MAP3K13: variants seen among roughly 807,000 people sequenced by gnomAD.
MAP3K13 encodes the protein leucine zipper-bearing kinase.
MAP3K13 carries 52 observed loss-of-function variants against 104.0 expected under a neutral mutation model. That is an observed-to-expected ratio of 0.50 (90% confidence interval 0.40 to 0.63). The LOEUF is 0.63. Ranked by LOEUF, MAP3K13 falls within the 20% of genes least tolerant of loss-of-function variation. The pLI, the probability that MAP3K13 is intolerant of heterozygous loss-of-function variation, is 0.00. For missense variants in MAP3K13, 914 were observed against 1,218.5 expected (o/e 0.75, Z 3.72); for synonymous variants, 394 against 442.2 (o/e 0.89, Z 1.37).
intron 1 of MAP3K13, among the ~76,000 whole-genome samples, chr3:185,416,428 A>C (rs907360585): frequency 6.6e-6 from 1 of 151,722 alleles, no homozygotes; most frequent in African/African-American, 2.4e-5. Context: ...CATCTACTCT[A>C]TGAGGTGGAT....
At chr3:185,365,445 A>T (rs1204321411) in intron 1 of MAP3K13, among the ~76,000 whole-genome samples, 1 of 152,196 alleles carries the variant, frequency 6.6e-6, no homozygotes, top group Non-Finnish European at 1.5e-5. Context: ...GGCCACATCC[A>T]CTGGTAGATG....
chr3:185,395,528 T>C (rs1712352077), intron 1 of MAP3K13, among the ~76,000 whole-genome samples: 1 of 135,648 alleles, frequency 7.4e-6, no homozygotes, highest in Non-Finnish European at 1.6e-5. Flanking sequence ...CCGGCTAATT[T>C]TTTGTATTTT....
intron 2 of MAP3K13, among the ~76,000 whole-genome samples, chr3:185,325,833 G>T (rs1444975052): frequency 1.3e-5 from 2 of 152,146 alleles, no homozygotes; most frequent in Admixed American, 6.5e-5. Context: ...CCTCACATTT[G>T]GTCCTTGATC....
chr3:185,375,865 A>C (rs1313032603), intron 1 of MAP3K13, among the ~76,000 whole-genome samples: 2 of 152,172 alleles, frequency 1.3e-5, no homozygotes, highest in Non-Finnish European at 2.9e-5. Context: ...ATATAACAGC[A>C]TGGTGGTGCA....
intron 1 of MAP3K13, among the ~76,000 whole-genome samples, chr3:185,365,355 AATTT>A (rs1383012226): frequency 9.9e-5 from 15 of 152,224 alleles, no homozygotes; most frequent in African/African-American, 3.6e-4. Context: ...AGTAGGAATT[AATTT>A]ATTTAGTAAA....
At chr3:185,429,183 C>A in intron 2 of MAP3K13, 127 bp downstream of exon 2, 1 of 842,774 alleles carries the variant, frequency 1.2e-6, no homozygotes, top group Non-Finnish European at 1.8e-6. Flanking sequence ...AGATGAATAC[C>A]TCATTTCAGT....
chr3:185,452,728 C>T (rs545007240), intron 7 of MAP3K13, among the ~76,000 whole-genome samples: 2 of 152,308 alleles, frequency 1.3e-5, no homozygotes, highest in Admixed American at 1.3e-4. Flanking sequence ...TGACCACTGG[C>T]TGGCTATTAG....
chr3:185,337,065 T>TA (rs113545659), intron 2 of MAP3K13, among the ~76,000 whole-genome samples: 3,193 of 152,230 alleles, frequency 0.021, 118 homozygotes, highest in African/African-American at 0.072. Context: ...AAATCTTTTT[T>TA]AAAAAAAATT....
chr3:185,478,871 CA>C (rs557343014), intron 12 of MAP3K13, among the ~76,000 whole-genome samples: 222 of 68,790 alleles, frequency 3.2e-3, no homozygotes, highest in South Asian at 0.011. Context: ...GACTCTGTCT[CA>C]AAAAAAAAAA....
intron 1 of MAP3K13, among the ~76,000 whole-genome samples, chr3:185,425,003 A>G (rs1714334143): frequency 6.6e-6 from 1 of 151,558 alleles, no homozygotes; most frequent in Non-Finnish European, 1.5e-5. Context: ...TAATTTTTGT[A>G]TTTTCTGTAA....
chr3:185,396,774 A>T (rs966814592), intron 1 of MAP3K13, among the ~76,000 whole-genome samples: 1 of 151,742 alleles, frequency 6.6e-6, no homozygotes, highest in Non-Finnish European at 1.5e-5. Context: ...TCCTTCCCTT[A>T]TTTTTTCTGA....
chr3:185,449,887 G>A lies in MAP3K13; in HGVS notation c.1011-13G>A, dbSNP rs779937176. 27 of 1,586,578 alleles carry A rather than the reference G, an allele frequency of 1.7e-5. No homozygotes were observed. Among genetic ancestry groups the A allele is most frequent in the Non-Finnish European group, 2.1e-5 (24 of 1,168,860 alleles). On this transcript the variant is annotated splice_polypyrimidine_tract_variant and intron_variant, in intron 5 of 13. Coordinates refer to ENST00000265026, the MANE Select transcript of MAP3K13 (RefSeq NM_004721.5). ...TGAAACATCTTCTGTCCATGTTCCC[G>A]GCGCTACTGTAGGTCTTTTGGAGTG...
upstream of MAP3K13, among the ~76,000 whole-genome samples, chr3:185,362,184 T>A (rs1384710468): frequency 1.3e-5 from 2 of 152,208 alleles, no homozygotes; most frequent in Non-Finnish European, 2.9e-5. Flanking sequence ...ATTTCCCAAG[T>A]TCAGAAAAAT....
In MAP3K13 at chr3:185,377,349, G is replaced by A. The variant is rs62290191; in HGVS notation, c.-86+13981G>A. On this transcript the variant is annotated intron_variant, in intron 1 of 13. Coordinates refer to ENST00000265026, the MANE Select transcript of MAP3K13 (RefSeq NM_004721.5). ...ATGGGATGGTAAGGGGTGCATGATC[G>A]GTCACCAAGGAGGGAGTAGAGGTGT... Among the ~76,000 whole-genome samples, 993 of 152,194 alleles carry A rather than the reference G, an allele frequency of 6.5e-3. 5 individuals are homozygous for A. The highest frequency in any genetic ancestry group is 0.013 in the South Asian group (64 of 4,810).
intron 1 of MAP3K13, among the ~76,000 whole-genome samples, chr3:185,387,466 CT>C (rs1301700941): frequency 3.3e-5 from 5 of 152,080 alleles, no homozygotes; most frequent in Non-Finnish European, 1.5e-5. Flanking sequence ...CAGTCTTGAA[CT>C]TTTTGAGGCA....
At chr3:185,286,122 T>C (rs879635758) in intron 2 of MAP3K13, among the ~76,000 whole-genome samples, 17 of 152,096 alleles carry the variant, frequency 1.1e-4, no homozygotes, top group Non-Finnish European at 1.9e-4. Flanking sequence ...TCTGCCTTAT[T>C]TATACTATTT....
At chr3:185,287,590 G>C (rs529465039) in intron 2 of MAP3K13, among the ~76,000 whole-genome samples, 1 of 151,916 alleles carries the variant, frequency 6.6e-6, no homozygotes, top group African/African-American at 2.4e-5. Context: ...TTAATTATAT[G>C]AAAATTTAAA....
chr3:185,442,070 G>A (rs1179619317), intron 3 of MAP3K13, among the ~76,000 whole-genome samples: 2 of 151,432 alleles, frequency 1.3e-5, no homozygotes, highest in African/African-American at 2.4e-5. Context: ...GCCTGGCGTG[G>A]TGGTGCACAC....
rs559753085 is a variant in MAP3K13, at chr3:185,432,638, G to A, written c.475+3582G>A. ...TTTGGTGATAATTTGAAGATCTCAGGATCCAAGTGCATCACTGAGGTTCAG... is the reference window on the plus strand; with the variant it reads ...TTTGGTGATAATTTGAAGATCTCAGAATCCAAGTGCATCACTGAGGTTCAG... On this transcript the variant is annotated intron_variant, in intron 2 of 13. Transcript: ENST00000265026. 5.3e-5 allele frequency among the ~76,000 whole-genome samples: 8 copies of A among 152,178 alleles called. No homozygotes were observed. In the South Asian group the frequency reaches 1.7e-3, roughly 32 times the overall value.
Sources: gnomAD v4.1 joint callset for allele counts (sites outside exome capture counted in the v4.1 genomes callset) on GRCh38, gnomAD v4.1.1 for gene constraint, MANE v1.5 for transcripts, NCBI Gene and HGNC (gene_info 2026-07-23, HGNC 2026-07-21) for gene names.